The following ST6GALNAC5 variants were observed in gnomAD, a reference collection of about 807,000 sequenced individuals.
ST6GALNAC5 encodes alpha-N-acetylgalactosaminide alpha-2,6-sialyltransferase 5.
Under a neutral mutation model 33.6 loss-of-function variants are expected in ST6GALNAC5, and 27 were observed. The ratio of observed to expected loss-of-function variants is 0.80; its 90% CI spans 0.59 to 1.11. The LOEUF is 1.11. Ranked by LOEUF, ST6GALNAC5 falls within the 50% of genes least tolerant of loss-of-function variation. The pLI is 0.00. For synonymous variants in ST6GALNAC5, 194 were observed against 171.2 expected, an observed-to-expected ratio of 1.13 and a Z score of -1.04; for missense variants, 428 against 454.0, an observed-to-expected ratio of 0.94 and a Z score of 0.52.
chr1:77,022,157 T>C (rs1009588184), intron 2 of ST6GALNAC5, among the ~76,000 whole-genome samples: 7 of 152,172 alleles, frequency 4.6e-5, no homozygotes, highest in African/African-American at 1.7e-4. Flanking sequence ...TCACTTGCCA[T>C]TGAATCCATA....
At chr1:77,018,269 A>C (rs1299170507) in intron 2 of ST6GALNAC5, among the ~76,000 whole-genome samples, 3 of 152,198 alleles carry the variant, frequency 2.0e-5, no homozygotes, top group African/African-American at 7.2e-5. Flanking sequence ...CTAAGTCTTT[A>C]TAGATCATAA....
At chr1:77,043,178 C>T (rs1327319440) in intron 2 of ST6GALNAC5, among the ~76,000 whole-genome samples, 5 of 152,234 alleles carry the variant, frequency 3.3e-5, no homozygotes, top group Admixed American at 1.3e-4. Context: ...ATGCAACATC[C>T]CTTCAGAACA....
chr1:76,899,726 T>G (rs1646796548), intron 2 of ST6GALNAC5, among the ~76,000 whole-genome samples: 1 of 151,868 alleles, frequency 6.6e-6, no homozygotes, highest in South Asian at 2.1e-4. Flanking sequence ...GGAATTGAAA[T>G]TAAGAGAAGG....
intron 2 of ST6GALNAC5, among the ~76,000 whole-genome samples, chr1:76,943,539 G>C (rs756801854): frequency 6.6e-6 from 1 of 152,166 alleles, no homozygotes; most frequent in Non-Finnish European, 1.5e-5. Flanking sequence ...GCACATTTAC[G>C]TGAGTTAAGA....
Position 77,044,808 on chromosome 1 carries a change from G to A in ST6GALNAC5, c.671+195G>A, listed in dbSNP as rs539142027. Among the ~76,000 whole-genome samples the A allele has an allele frequency of 5.3e-5, 8 of 152,264 alleles. No homozygotes were observed. In the East Asian group the frequency reaches 1.5e-3, roughly 29 times the overall value. ...ACTTTACAAGACAAAGTGAAAAGAA[G>A]CATGGAGATAATTATATGGATATTT... On this transcript the variant is annotated intron_variant, in intron 3 of 4. Transcript: ENST00000477717.
At chr1:76,885,868 A>G (rs1653881102) in intron 2 of ST6GALNAC5, among the ~76,000 whole-genome samples, 1 of 152,238 alleles carries the variant, frequency 6.6e-6, no homozygotes, top group South Asian at 2.1e-4. Flanking sequence ...CATTCCCAAT[A>G]GTCCCTTAAT....
intron 2 of ST6GALNAC5, among the ~76,000 whole-genome samples, chr1:76,980,849 A>G (rs1011800780): frequency 1.3e-5 from 2 of 152,226 alleles, no homozygotes; most frequent in African/African-American, 4.8e-5. Context: ...CACAAGCAAC[A>G]TAAGAAAAAA....
chr1:76,886,019 T>C (rs533165942), intron 2 of ST6GALNAC5, among the ~76,000 whole-genome samples: 25 of 152,336 alleles, frequency 1.6e-4, no homozygotes, highest in African/African-American at 6.0e-4. Flanking sequence ...CAGTCCTTTG[T>C]ACATATGCAG....
At chr1:76,965,157 G>T (rs1648407936) in intron 2 of ST6GALNAC5, among the ~76,000 whole-genome samples, 1 of 152,014 alleles carries the variant, frequency 6.6e-6, no homozygotes, top group African/African-American at 2.4e-5. Flanking sequence ...GATAATTCTA[G>T]TTCTAGATCC....
rs1653369172 is a variant in ST6GALNAC5 at position 76,867,603 on chromosome 1, C to A, written c.-73C>A. 4.3e-6 allele frequency: 7 copies of A among 1,613,124 alleles called. No individual in the cohort carries two copies. On this transcript the variant is annotated 5_prime_UTR_variant, in exon 1 of 5. Coordinates refer to ENST00000477717, the MANE Select transcript of ST6GALNAC5 (RefSeq NM_030965.3). The stretch of plus-strand genomic sequence containing the variant: ...GAGCCGCCTCCGCCCCATTACCCAT[C>A]ATGGAAACCCTCCAGGAAAAAGTGG...
At chr1:76,976,082 G>A (rs141697446) in intron 2 of ST6GALNAC5, among the ~76,000 whole-genome samples, 1,726 of 152,096 alleles carry the variant, frequency 0.011, 30 homozygotes, top group African/African-American at 0.039. Flanking sequence ...GCGACAAAGC[G>A]AGATCCATCT....
Position 76,939,179 on chromosome 1 carries a change from G to C in ST6GALNAC5, c.261+70437G>C, listed in dbSNP as rs1647266516. Among the ~76,000 whole-genome samples, 9 of 152,158 alleles carry C rather than the reference G, an allele frequency of 5.9e-5. No homozygotes were observed. The South Asian group carries it at 1.9e-3, about 32-fold the overall frequency. ...TGCTTGGCATTAGCATTAGGAGGTT[G>C]AGTGCCGTTGGGACACTCGTGCCAT... is the stretch of plus-strand genomic sequence containing the variant. On this transcript the variant is annotated intron_variant, in intron 2 of 4. Coordinates refer to ENST00000477717, the MANE Select transcript of ST6GALNAC5 (RefSeq NM_030965.3).
At chr1:77,053,351 C>T (rs1276867172) in intron 4 of ST6GALNAC5, among the ~76,000 whole-genome samples, 1 of 152,124 alleles carries the variant, frequency 6.6e-6, no homozygotes, top group Non-Finnish European at 1.5e-5. Context: ...AATATAGCCT[C>T]CCTGAGGGCA....
intron 2 of ST6GALNAC5, among the ~76,000 whole-genome samples, chr1:76,898,011 G>A (rs1461814772): frequency 3.3e-5 from 5 of 152,222 alleles, no homozygotes; most frequent in South Asian, 4.1e-4. Context: ...CGGGGCTTCC[G>A]AGGCAATCGG....
intron 3 of ST6GALNAC5, among the ~76,000 whole-genome samples, chr1:77,047,181 T>C (rs1251070220): frequency 1.3e-5 from 2 of 152,184 alleles, no homozygotes; most frequent in African/African-American, 4.8e-5. Context: ...CAGAGTACAC[T>C]GCTGCTTCCA....
intron 2 of ST6GALNAC5, among the ~76,000 whole-genome samples, chr1:77,007,711 A>G (rs1245493284): frequency 1.3e-5 from 2 of 152,270 alleles, no homozygotes; most frequent in Non-Finnish European, 2.9e-5. Flanking sequence ...CTGTGGGAGG[A>G]TATTAGGATT....
chr1:77,004,475 CCTT>C lies in ST6GALNAC5; in HGVS notation c.262-39723_262-39721del, dbSNP rs1448609128. ...CTCAGAGTAATTTGATCGTCTGAAG[CCTT>C]CTTCTCTCAGCTCGTCAAAGTCATT... On this transcript the variant is annotated intron_variant, in intron 2 of 4. Transcript: ENST00000477717. Among the ~76,000 whole-genome samples, 5 of 144,034 alleles carry C rather than the reference CCTT, an allele frequency of 3.5e-5. No individual in the cohort carries two copies. In the East Asian group the frequency reaches 6.6e-4, roughly 19 times the overall value. The allele number at this position is 144,034 out of a possible 152,430, so 94.5% of individuals were successfully genotyped here.
At chr1:76,893,045 T>C (rs1165707750) in intron 2 of ST6GALNAC5, among the ~76,000 whole-genome samples, 4 of 152,184 alleles carry the variant, frequency 2.6e-5, no homozygotes, top group Admixed American at 2.6e-4. Flanking sequence ...AGGATTTTGC[T>C]CTGAATATCA....
At chr1:76,922,965 AC>A (rs1244189730) in intron 2 of ST6GALNAC5, among the ~76,000 whole-genome samples, 1 of 151,788 alleles carries the variant, frequency 6.6e-6, no homozygotes, top group Non-Finnish European at 1.5e-5. Context: ...AAGAAAAGAA[AC>A]TTTTAAGAAG....
Sources: gnomAD v4.1 joint callset for allele counts (sites outside exome capture counted in the v4.1 genomes callset) on GRCh38, gnomAD v4.1.1 for gene constraint, MANE v1.5 for transcripts, NCBI Gene and HGNC (gene_info 2026-07-23, HGNC 2026-07-21) for gene names.